Variants in TENM3 observed in about 807,000 individuals in gnomAD.
TENM3 encodes the protein teneurin transmembrane protein 3, also known as teneurin-3.
In TENM3, 63 loss-of-function variants were observed where a neutral mutation model predicts 255.1. The ratio of observed to expected loss-of-function variants is 0.25; its 90% CI spans 0.20 to 0.30. TENM3 has a LOEUF of 0.30. TENM3 is among the 10% of genes least tolerant of loss of function. TENM3 has a pLI of 1.00. For missense variants in TENM3, 2,929 were observed against 3,461.1 expected, an observed-to-expected ratio of 0.85 and a Z score of 3.86; for synonymous variants, 1,306 against 1,322.3, an observed-to-expected ratio of 0.99 and a Z score of 0.27.
At chr4:181,464,077 G>A in the TENM3 span, among the ~76,000 whole-genome samples, 1 of 152,112 alleles carries the variant, frequency 6.6e-6, no homozygotes, top group Non-Finnish European at 1.5e-5. Context: ...GTTGTTTCGA[G>A]TTTTGGACTA....
intron 3 of TENM3, among the ~76,000 whole-genome samples, chr4:182,491,238 T>C (rs1461014765): frequency 6.6e-6 from 1 of 152,124 alleles, no homozygotes; most frequent in Non-Finnish European, 1.5e-5. Context: ...TATGTAAACC[T>C]TAGGAGATGT....
At chr4:182,589,361 GACT>G in intron 3 of TENM3, among the ~76,000 whole-genome samples, 1 of 151,312 alleles carries the variant, frequency 6.6e-6, no homozygotes, top group East Asian at 1.9e-4. Context: ...TAATTTCAAT[GACT>G]ACATTTTTCC....
At chr4:182,063,960 A>T in the TENM3 span, among the ~76,000 whole-genome samples, 2 of 152,182 alleles carry the variant, frequency 1.3e-5, no homozygotes, top group Non-Finnish European at 2.9e-5. Context: ...GCAGGAACAG[A>T]TGATATGGAG....
At chr4:182,480,885 CAG>C (rs1734131016) in intron 3 of TENM3, among the ~76,000 whole-genome samples, 1 of 152,056 alleles carries the variant, frequency 6.6e-6, no homozygotes, top group South Asian at 2.1e-4. Context: ...TTTCAGGGAA[CAG>C]AGAATTGGGT....
At chr4:181,644,687 T>G in the TENM3 span, among the ~76,000 whole-genome samples, 2 of 151,002 alleles carry the variant, frequency 1.3e-5, no homozygotes, top group African/African-American at 4.9e-5. Context: ...TTATTGCTTT[T>G]TTTTGTTTCG....
At chr4:182,561,761 T>A (rs1169821905) in intron 3 of TENM3, among the ~76,000 whole-genome samples, 1 of 152,096 alleles carries the variant, frequency 6.6e-6, no homozygotes, top group Non-Finnish European at 1.5e-5. Flanking sequence ...AAAAACAACC[T>A]AAATGCCCAT....
chr4:181,635,481 T>C, the TENM3 span, among the ~76,000 whole-genome samples: 2 of 152,210 alleles, frequency 1.3e-5, no homozygotes, highest in Non-Finnish European at 2.9e-5. Context: ...GCAGTTCAGC[T>C]GAGATGGCTG....
chr4:181,886,518 T>C, the TENM3 span, among the ~76,000 whole-genome samples: 3 of 152,332 alleles, frequency 2.0e-5, no homozygotes, highest in Non-Finnish European at 4.4e-5. Context: ...ACATGGATTC[T>C]TGGCATTTTC....
the TENM3 span, among the ~76,000 whole-genome samples, chr4:181,672,912 A>G: frequency 4.6e-5 from 7 of 152,148 alleles, no homozygotes; most frequent in African/African-American, 1.4e-4. Flanking sequence ...CTAGCTGAGG[A>G]CTGATGCCCT....
chr4:182,228,892 C>G (rs1756373829), intron 1 of TENM3, among the ~76,000 whole-genome samples: 1 of 152,096 alleles, frequency 6.6e-6, no homozygotes, highest in Non-Finnish European at 1.5e-5. Context: ...CACAAAGGTA[C>G]TGACATCTTT....
the TENM3 span, among the ~76,000 whole-genome samples, chr4:181,540,179 A>C: frequency 6.6e-6 from 1 of 152,172 alleles, no homozygotes; most frequent in African/African-American, 2.4e-5. Flanking sequence ...ACAGGAGCCA[A>C]CTGAAAGGGT....
intron 4 of TENM3, among the ~76,000 whole-genome samples, chr4:182,618,654 A>C (rs772119233): frequency 3.3e-5 from 5 of 152,012 alleles, no homozygotes; most frequent in African/African-American, 4.8e-5. Context: ...AATTATAAGA[A>C]GCAATTGTAA....
chr4:181,761,986 G>A, the TENM3 span, among the ~76,000 whole-genome samples: 5 of 152,220 alleles, frequency 3.3e-5, no homozygotes, highest in South Asian at 4.2e-4. Context: ...AATTGTAGTG[G>A]CCACTTTGTT....
chr4:181,614,033 ATATGT>A, the TENM3 span, among the ~76,000 whole-genome samples: 1 of 152,158 alleles, frequency 6.6e-6, no homozygotes, highest in African/African-American at 2.4e-5. Flanking sequence ...TTTTACCAAA[ATATGT>A]TATTTCTGTT....
At chr4:182,420,142 A>G (rs1247570526) in intron 3 of TENM3, among the ~76,000 whole-genome samples, 2 of 152,052 alleles carry the variant, frequency 1.3e-5, no homozygotes, top group African/African-American at 2.4e-5. Context: ...AGTCTGCCTG[A>G]TTGTTATAAT....
At chr4:181,521,342 T>G in the TENM3 span, among the ~76,000 whole-genome samples, 1 of 152,244 alleles carries the variant, frequency 6.6e-6, no homozygotes, top group Non-Finnish European at 1.5e-5. Context: ...CCGATGCCAT[T>G]AGCTTTCTTT....
chr4:181,881,856 G>A, the TENM3 span, among the ~76,000 whole-genome samples: 6 of 151,984 alleles, frequency 3.9e-5, no homozygotes, highest in South Asian at 2.1e-4. Context: ...CTCCTTACTG[G>A]GCATCTAGAC....
At chr4:182,667,397 G>A (rs1754791874) in intron 6 of TENM3, among the ~76,000 whole-genome samples, 1 of 151,940 alleles carries the variant, frequency 6.6e-6, no homozygotes, top group African/African-American at 2.4e-5. Context: ...CACCATCTTG[G>A]CCGGGCTGGT....
chr4:182,170,316 G>A (rs541093153), intron 1 of TENM3, among the ~76,000 whole-genome samples: 12 of 152,060 alleles, frequency 7.9e-5, no homozygotes, highest in African/African-American at 2.2e-4. Context: ...CTTCTATAAC[G>A]TAGTTATATT....
Sources: gnomAD v4.1 joint callset for allele counts (sites outside exome capture counted in the v4.1 genomes callset) on GRCh38, gnomAD v4.1.1 for gene constraint, MANE v1.5 for transcripts, NCBI Gene and HGNC (gene_info 2026-07-23, HGNC 2026-07-21) for gene names.